The following LINGO2 variants were observed in gnomAD, a reference collection of about 807,000 sequenced individuals.
The protein encoded by LINGO2 is leucine-rich repeat and immunoglobulin-like domain-containing nogo receptor-interacting protein 2.
Under a neutral mutation model 30.6 loss-of-function variants are expected in LINGO2, and 14 were observed. The observed-to-expected ratio is 0.46, with a 90% CI of 0.30 to 0.72. The LOEUF (loss-of-function observed/expected upper bound fraction) is 0.72, where lower values mean the gene tolerates loss of function less well. LINGO2 is among the 30% of genes least tolerant of loss of function. LINGO2 has a pLI of 0.07. For synonymous variants in LINGO2, 317 were observed against 288.5 expected, an observed-to-expected ratio of 1.10 and a Z score of -1.00; for missense variants, 729 against 751.7, an observed-to-expected ratio of 0.97 and a Z score of 0.35.
chr9:29,108,670 G>T, the LINGO2 span, among the ~76,000 whole-genome samples: 5 of 152,160 alleles, frequency 3.3e-5, no homozygotes, highest in Admixed American at 6.5e-5. Context: ...GTGGCATTTA[G>T]AGGTATGCAT....
chr9:28,975,417 C>T, the LINGO2 span, among the ~76,000 whole-genome samples: 3 of 152,074 alleles, frequency 2.0e-5, no homozygotes, highest in African/African-American at 2.4e-5. Context: ...ATGACTGTGG[C>T]GTAACCTAAA....
intron 3 of LINGO2, among the ~76,000 whole-genome samples, chr9:28,304,665 G>T (rs889607403): frequency 6.6e-6 from 1 of 151,860 alleles, no homozygotes; most frequent in Non-Finnish European, 1.5e-5. Flanking sequence ...AAGTCTTTTT[G>T]TGGATATATG....
At chr9:28,988,935 G>A in the LINGO2 span, among the ~76,000 whole-genome samples, 3 of 152,128 alleles carry the variant, frequency 2.0e-5, no homozygotes, top group Non-Finnish European at 1.5e-5. Context: ...TCTATGGATA[G>A]TTTCTCATTG....
intron 1 of LINGO2, among the ~76,000 whole-genome samples, chr9:28,487,648 CAAGAA>C (rs1214651929): frequency 6.6e-6 from 1 of 152,116 alleles, no homozygotes; most frequent in Non-Finnish European, 1.5e-5. Context: ...AATACACCCA[CAAGAA>C]ATACTAACAT....
the LINGO2 span, among the ~76,000 whole-genome samples, chr9:29,183,972 G>A: frequency 9.2e-5 from 14 of 151,596 alleles, no homozygotes; most frequent in Admixed American, 2.0e-4. Flanking sequence ...TTTAACATCC[G>A]GAGTGCTTTT....
chr9:28,823,682 G>T, the LINGO2 span, among the ~76,000 whole-genome samples: 1 of 152,152 alleles, frequency 6.6e-6, no homozygotes, highest in Non-Finnish European at 1.5e-5. Context: ...CATAGCCCTG[G>T]ATTAGCTCCT....
chr9:28,912,161 G>T, the LINGO2 span, among the ~76,000 whole-genome samples: 1 of 152,030 alleles, frequency 6.6e-6, no homozygotes, highest in South Asian at 2.1e-4. Context: ...TTTAACTCCA[G>T]ATCGTTATAA....
At chr9:28,035,223 G>C (rs1040434003) in intron 4 of LINGO2, among the ~76,000 whole-genome samples, 2 of 151,582 alleles carry the variant, frequency 1.3e-5, no homozygotes, top group Non-Finnish European at 2.9e-5. Context: ...GTTGATAAGT[G>C]TTCTTTCTGT....
intron 3 of LINGO2, among the ~76,000 whole-genome samples, chr9:28,303,610 T>C (rs1824231678): frequency 6.6e-6 from 1 of 152,116 alleles, no homozygotes. Flanking sequence ...TAACACGTGT[T>C]TTGTGTGCTC....
At chr9:28,089,466 C>T (rs903203161) in intron 4 of LINGO2, among the ~76,000 whole-genome samples, 1 of 152,184 alleles carries the variant, frequency 6.6e-6, no homozygotes, top group Non-Finnish European at 1.5e-5. Context: ...TGAATGACTA[C>T]TGGGTGCATA....
At chr9:28,523,037 G>A (rs892813100) in intron 1 of LINGO2, among the ~76,000 whole-genome samples, 1 of 151,644 alleles carries the variant, frequency 6.6e-6, no homozygotes, top group Non-Finnish European at 1.5e-5. Context: ...AAATATAAGA[G>A]ATTAGGCGAA....
chr9:29,041,905 C>T, the LINGO2 span, among the ~76,000 whole-genome samples: 1 of 151,752 alleles, frequency 6.6e-6, no homozygotes, highest in Non-Finnish European at 1.5e-5. Context: ...CTCTATCTGA[C>T]AAAGAACTGG....
chr9:28,549,214 A>C lies in LINGO2; in HGVS notation c.-364-73189T>G, dbSNP rs61253622. On this transcript the variant is annotated intron_variant, in intron 1 of 5. Transcript: ENST00000379992. Reference sequence around the variant, plus strand: ...TCATTGTTGTGTGTGTTTAAATCTTACATAAATATTATCTTACTGTCAGTA... The same window carrying C: ...TCATTGTTGTGTGTGTTTAAATCTTCCATAAATATTATCTTACTGTCAGTA... 7.6e-3 allele frequency among the ~76,000 whole-genome samples: 1,162 copies of C among 152,238 alleles called. 38 individuals are homozygous for C. The East Asian group carries it at 0.096, about 13-fold the overall frequency.
intron 4 of LINGO2, among the ~76,000 whole-genome samples, chr9:28,208,073 C>T (rs17699193): frequency 0.047 from 7,146 of 152,104 alleles, 239 homozygotes; most frequent in Admixed American, 0.095. Context: ...GGCCACTGTC[C>T]ATTATTTTAC....
chr9:28,708,003 G>T, the LINGO2 span, among the ~76,000 whole-genome samples: 1 of 152,124 alleles, frequency 6.6e-6, no homozygotes, highest in Non-Finnish European at 1.5e-5. Context: ...AAGAAGGTGG[G>T]AATAAAGACC....
intron 2 of LINGO2, among the ~76,000 whole-genome samples, chr9:28,472,555 T>C (rs1825566087): frequency 1.3e-5 from 2 of 152,130 alleles, no homozygotes; most frequent in South Asian, 4.1e-4. Flanking sequence ...TTCCATGCAA[T>C]ACAAAAAATC....
intron 4 of LINGO2, among the ~76,000 whole-genome samples, chr9:28,257,144 TTA>T (rs1339129924): frequency 6.6e-6 from 1 of 151,870 alleles, no homozygotes; most frequent in Non-Finnish European, 1.5e-5. Flanking sequence ...ATGGAAATAT[TTA>T]TGTTATTATC....
chr9:28,178,554 G>T (rs1587148148), intron 4 of LINGO2, among the ~76,000 whole-genome samples: 1 of 152,160 alleles, frequency 6.6e-6, no homozygotes, highest in Non-Finnish European at 1.5e-5. Context: ...AACCACAGAA[G>T]GAACAGGAAC....
At chr9:29,079,250 G>GA in the LINGO2 span, among the ~76,000 whole-genome samples, 3 of 151,814 alleles carry the variant, frequency 2.0e-5, no homozygotes, top group African/African-American at 7.2e-5. Flanking sequence ...ATGGTATATT[G>GA]AAAATGAAAC....
Sources: gnomAD v4.1 joint callset for allele counts (sites outside exome capture counted in the v4.1 genomes callset) on GRCh38, gnomAD v4.1.1 for gene constraint, MANE v1.5 for transcripts, NCBI Gene and HGNC (gene_info 2026-07-23, HGNC 2026-07-21) for gene names.